The following PLXDC2 variants were observed in gnomAD, a reference collection of about 807,000 sequenced individuals.
PLXDC2 encodes plexin domain-containing protein 2.
Under a neutral mutation model 68.9 loss-of-function variants are expected in PLXDC2, and 40 were observed. That is an observed-to-expected ratio of 0.58 (90% CI 0.45 to 0.76). The LOEUF (loss-of-function observed/expected upper bound fraction) is 0.76. PLXDC2 is among the 30% of genes least tolerant of loss of function. The probability of loss-of-function intolerance (pLI) is 0.00; values close to 1 mark genes in which losing one functional copy is unlikely to be tolerated. For missense variants in PLXDC2, 644 were observed against 661.9 expected (o/e 0.97, Z 0.30); for synonymous variants, 243 against 234.2 (o/e 1.04, Z -0.34).
intron 6 of PLXDC2, among the ~76,000 whole-genome samples, chr10:20,162,909 C>CAAAAAA (rs71390763): frequency 1.0e-5 from 1 of 98,038 alleles, no homozygotes; most frequent in Non-Finnish European, 1.9e-5. Context: ...ACTAAAAATA[C>CAAAAAA]AAAAAAAAAA....
chr10:19,954,301 A>G (rs1834034431), intron 1 of PLXDC2, among the ~76,000 whole-genome samples: 1 of 152,078 alleles, frequency 6.6e-6, no homozygotes, highest in African/African-American at 2.4e-5. Flanking sequence ...TATTATCCTT[A>G]TGGACATTTT....
chr10:20,001,592 A>G (rs892179189), intron 1 of PLXDC2, among the ~76,000 whole-genome samples, 183 bp from the exon 2 acceptor site: 3 of 152,176 alleles, frequency 2.0e-5, no homozygotes, highest in Admixed American at 6.5e-5. Context: ...GTTTCCTGCA[A>G]TTGCATTCCA....
chr10:20,144,761 C>T (rs1245142788), intron 5 of PLXDC2, among the ~76,000 whole-genome samples: 1 of 152,168 alleles, frequency 6.6e-6, no homozygotes, highest in African/African-American at 2.4e-5. Flanking sequence ...ATTTAGTGAA[C>T]ACTGACTATT....
chr10:20,094,462 G>A (rs1207564881), intron 4 of PLXDC2, among the ~76,000 whole-genome samples: 1 of 152,144 alleles, frequency 6.6e-6, no homozygotes, highest in Non-Finnish European at 1.5e-5. Context: ...TTTCTCTCTG[G>A]AATTGTGCTC....
chr10:20,169,492 C>A (rs1042956069), intron 7 of PLXDC2, among the ~76,000 whole-genome samples: 2 of 152,148 alleles, frequency 1.3e-5, no homozygotes, highest in African/African-American at 4.8e-5. Context: ...TATGTCCTTC[C>A]AAATCCTTAC....
At chr10:20,135,071 G>GGAGA (rs1833917276) in intron 4 of PLXDC2, among the ~76,000 whole-genome samples, 1 of 152,094 alleles carries the variant, frequency 6.6e-6, no homozygotes. Context: ...TCTCTCACCT[G>GGAGA]GATCTCTTAG....
intron 4 of PLXDC2, among the ~76,000 whole-genome samples, chr10:20,072,487 AAGAAAG>A (rs1483695535): frequency 8.2e-6 from 1 of 122,418 alleles, no homozygotes; most frequent in Non-Finnish European, 1.6e-5. Context: ...GGAACAAAGA[AAGAAAG>A]AGAAAGAAAG....
intron 1 of PLXDC2, among the ~76,000 whole-genome samples, chr10:19,880,140 T>G (rs928888558): frequency 6.6e-6 from 1 of 152,206 alleles, no homozygotes; most frequent in African/African-American, 2.4e-5. Flanking sequence ...TAATAATTTT[T>G]TTGGTATATG....
At chr10:19,878,136 CAT>C (rs770542507) in intron 1 of PLXDC2, among the ~76,000 whole-genome samples, 32 of 151,774 alleles carry the variant, frequency 2.1e-4, no homozygotes, top group African/African-American at 3.9e-4. Context: ...TTGGCTATAA[CAT>C]ATGTGGAATA....
chr10:19,932,371 C>G (rs776579522), intron 1 of PLXDC2, among the ~76,000 whole-genome samples: 2 of 152,156 alleles, frequency 1.3e-5, no homozygotes, highest in African/African-American at 2.4e-5. Flanking sequence ...TCCAGCCTTT[C>G]CTTTCTATAT....
At chr10:19,859,431 C>A (rs755203698) in intron 1 of PLXDC2, among the ~76,000 whole-genome samples, 1 of 151,966 alleles carries the variant, frequency 6.6e-6, no homozygotes, top group African/African-American at 2.4e-5. Flanking sequence ...TCAGACTGTA[C>A]CTTTTGGTGC....
At chr10:20,098,347 G>GTGCGTGTGTA (rs1833378796) in intron 4 of PLXDC2, among the ~76,000 whole-genome samples, 2 of 97,224 alleles carry the variant, frequency 2.1e-5, no homozygotes, top group Non-Finnish European at 4.2e-5. Context: ...ATTTTCGTGC[G>GTGCGTGTGTA]TGTGTGTGTA....
chr10:20,051,398 ATATATATATATATATATAT>A (rs1835896934), intron 3 of PLXDC2, among the ~76,000 whole-genome samples: 2 of 1,530 alleles, frequency 1.3e-3, no homozygotes, highest in Non-Finnish European at 2.3e-3. Flanking sequence ...AAGGTTAAAT[ATATATATATATATATATAT>A]ATATATATAT....
chr10:20,259,204 C>G (rs1014932568), intron 13 of PLXDC2, among the ~76,000 whole-genome samples: 3 of 151,612 alleles, frequency 2.0e-5, no homozygotes, highest in Admixed American at 1.3e-4. Flanking sequence ...GAACAATTGC[C>G]TTTTTTTTCT....
chr10:19,859,934 G>A (rs1465218415), intron 1 of PLXDC2, among the ~76,000 whole-genome samples: 1 of 152,088 alleles, frequency 6.6e-6, no homozygotes, highest in Non-Finnish European at 1.5e-5. Flanking sequence ...GTTTCACCAT[G>A]TTGTGCAGGC....
At chr10:19,978,448 G>A (rs1212376769) in intron 1 of PLXDC2, among the ~76,000 whole-genome samples, 1 of 152,048 alleles carries the variant, frequency 6.6e-6, no homozygotes, top group Non-Finnish European at 1.5e-5. Context: ...GTGCAGTAAA[G>A]AGTGTTGTGT....
intron 1 of PLXDC2, among the ~76,000 whole-genome samples, chr10:19,936,465 G>T (rs1032720412): frequency 5.3e-5 from 8 of 152,340 alleles, no homozygotes; most frequent in Admixed American, 3.9e-4. Context: ...AAATGGGCAT[G>T]GCTGTGTTCC....
At chr10:20,098,506 C>T (rs1833382191) in intron 4 of PLXDC2, among the ~76,000 whole-genome samples, 1 of 152,030 alleles carries the variant, frequency 6.6e-6, no homozygotes, top group Admixed American at 6.6e-5. Flanking sequence ...CTAATCACAT[C>T]TTCAAAAACA....
chr10:19,971,235 G>A (rs1467146482), intron 1 of PLXDC2, among the ~76,000 whole-genome samples: 1 of 152,160 alleles, frequency 6.6e-6, no homozygotes, highest in South Asian at 2.1e-4. Flanking sequence ...AGAAGCTCTT[G>A]AGAATGAGAG....
Sources: gnomAD v4.1 joint callset for allele counts (sites outside exome capture counted in the v4.1 genomes callset) on GRCh38, gnomAD v4.1.1 for gene constraint, MANE v1.5 for transcripts, NCBI Gene and HGNC (gene_info 2026-07-23, HGNC 2026-07-21) for gene names.